Variants in GRIN2A observed in about 807,000 individuals in gnomAD.
The protein encoded by GRIN2A is glutamate receptor ionotropic, NMDA 2A.
GRIN2A carries 22 observed loss-of-function variants against 113.4 expected under a neutral mutation model. The ratio of observed to expected loss-of-function variants is 0.19; its 90% confidence interval spans 0.14 to 0.28. The LOEUF (loss-of-function observed/expected upper bound fraction) is 0.28. GRIN2A is among the 10% of genes least tolerant of loss of function. The pLI is 1.00. For synonymous variants in GRIN2A, 827 were observed against 738.4 expected, an observed-to-expected ratio of 1.12 and a Z score of -1.94; for missense variants, 1,502 against 1,887.0, an observed-to-expected ratio of 0.80 and a Z score of 3.78.
chr16:9,801,359 T>C (rs1215008991), intron 10 of GRIN2A, among the ~76,000 whole-genome samples: 4 of 152,032 alleles, frequency 2.6e-5, no homozygotes, highest in East Asian at 1.9e-4. Context: ...AATAAACATA[T>C]ACACACACAC....
chr16:9,776,629 T>A (rs1013381061), intron 11 of GRIN2A, among the ~76,000 whole-genome samples: 3 of 152,070 alleles, frequency 2.0e-5, no homozygotes, highest in Non-Finnish European at 4.4e-5. Context: ...TAGAGCCTGG[T>A]GGTTTCCTAC....
intron 2 of GRIN2A, among the ~76,000 whole-genome samples, chr16:10,070,550 G>T (rs558749861): frequency 6.6e-6 from 1 of 152,146 alleles, no homozygotes; most frequent in African/African-American, 2.4e-5. Flanking sequence ...GGCCTGGGAT[G>T]ATTTGTTCTT....
At chr16:9,896,267 T>A (rs1470797070) in intron 3 of GRIN2A, among the ~76,000 whole-genome samples, 1 of 152,146 alleles carries the variant, frequency 6.6e-6, no homozygotes, top group African/African-American at 2.4e-5. Context: ...CCAGGCTGGT[T>A]TGAACTCCTG....
chr16:9,868,984 C>T (rs2043209856), intron 4 of GRIN2A, among the ~76,000 whole-genome samples: 1 of 152,128 alleles, frequency 6.6e-6, no homozygotes, highest in Admixed American at 6.5e-5. Flanking sequence ...GGGCAGGTAG[C>T]CTCTCCTTTC....
chr16:10,153,290 G>A (rs543867689), intron 2 of GRIN2A, among the ~76,000 whole-genome samples: 2 of 152,258 alleles, frequency 1.3e-5, no homozygotes, highest in African/African-American at 4.8e-5. Flanking sequence ...TCTGAAAAAT[G>A]CTGCATAGCT....
At chr16:9,829,009 T>C (rs138573330) in intron 9 of GRIN2A, among the ~76,000 whole-genome samples, 39 of 152,252 alleles carry the variant, frequency 2.6e-4, no homozygotes, top group African/African-American at 7.7e-4. Flanking sequence ...TTTCAGGTCA[T>C]AGATGAGGTA....
At chr16:9,924,658 G>A (rs1747871139) in intron 3 of GRIN2A, among the ~76,000 whole-genome samples, 1 of 152,026 alleles carries the variant, frequency 6.6e-6, no homozygotes, top group South Asian at 2.1e-4. Flanking sequence ...TTTTACTTCA[G>A]GGATTCAAAT....
At chr16:10,137,962 G>A (rs1328949538) in intron 2 of GRIN2A, among the ~76,000 whole-genome samples, 1 of 152,202 alleles carries the variant, frequency 6.6e-6, no homozygotes, top group African/African-American at 2.4e-5. Context: ...TACAGTCTGG[G>A]ATGACAGAAA....
At chr16:9,991,149 C>A (rs931501224) in intron 2 of GRIN2A, among the ~76,000 whole-genome samples, 1 of 152,134 alleles carries the variant, frequency 6.6e-6, no homozygotes, top group Non-Finnish European at 1.5e-5. Flanking sequence ...AAGGCAAATG[C>A]CTGGTATTTC....
chr16:10,159,327 A>G (rs8050654), intron 2 of GRIN2A, among the ~76,000 whole-genome samples: 93,314 of 152,018 alleles, frequency 0.61, 29,018 homozygotes, highest in Non-Finnish European at 0.66. Context: ...CAGGTTCAGT[A>G]TGAGGCACCC....
rs1596376035 is a variant in GRIN2A at position 9,764,160 on chromosome 16, G to T, written c.3384C>A (p.Phe1128Leu). Residue 1128 changes from phenylalanine to leucine, a missense_variant, in exon 13 of 13, where the codon TTC becomes TTA. This residue lies in a region of GRIN2A where 832 missense variants were observed against 789.7 expected (regional missense o/e 1.05). Transcript: ENST00000330684. ...CAACAAACTGGGGTGGATCTAAGTG[G>T]AAACCAGGCTCCTTCTCACCATCTA... ...YTIDGEKEPG[F>L]HLDPPQFVEN... 1 of 1,613,538 alleles carries T rather than the reference G, an allele frequency of 6.2e-7. No homozygotes were observed.
chr16:10,088,574 T>C (rs1052055821), intron 2 of GRIN2A, among the ~76,000 whole-genome samples: 4 of 152,208 alleles, frequency 2.6e-5, no homozygotes, highest in East Asian at 1.9e-4. Flanking sequence ...GAACATGCAG[T>C]TCTTTAGTGT....
At chr16:10,027,515 C>T (rs2046846861) in intron 2 of GRIN2A, 1 of 152,258 alleles carries the variant, frequency 6.6e-6, no homozygotes, top group African/African-American at 2.4e-5. Context: ...TCAGTGATTC[C>T]ATCTAGCCAT....
At chr16:9,806,869 T>A (rs999739835) in intron 10 of GRIN2A, among the ~76,000 whole-genome samples, 6 of 152,068 alleles carry the variant, frequency 3.9e-5, no homozygotes, top group Admixed American at 6.5e-5. Context: ...AATCTCATCT[T>A]GAATTGTAGC....
Position 9,764,559 on chromosome 16 carries a change from C to T in GRIN2A, c.2985G>A (p.Thr995=), listed in dbSNP as rs781646325. Reference sequence around the variant, plus strand: ...ATTCTGTGCTCACGGCCACCTCCACCGTGTTAGGGTTGGACTCATTGAGAG... The same window carrying T: ...ATTCTGTGCTCACGGCCACCTCCACTGTGTTAGGGTTGGACTCATTGAGAG... ...PLTLNESNPN[T]VEVAVSTESK... is the part of the protein sequence containing the mutation. Residue 995 remains threonine (T), a synonymous_variant, in exon 13 of 13, where the codon ACG becomes ACA. Transcript: ENST00000330684. 9.3e-6 allele frequency: 15 copies of T among 1,613,842 alleles called. No homozygotes were observed. Among genetic ancestry groups the T allele is most frequent in the Admixed American group, 5.0e-5 (3 of 60,006 alleles).
intron 3 of GRIN2A, among the ~76,000 whole-genome samples, chr16:9,937,511 A>G (rs1036650690): frequency 5.9e-5 from 9 of 152,152 alleles, no homozygotes; most frequent in Non-Finnish European, 1.3e-4. Flanking sequence ...AAATTTTTTT[A>G]AATAAAAGAA....
chr16:10,131,239 G>C lies in GRIN2A; in HGVS notation c.414+48759C>G, dbSNP rs1158511087. ...GCTAGTGGAGAACAGGTTTTAATGA[G>C]GCCCAGAACAGCATGTAGAGTGGGC... On this transcript the variant is annotated intron_variant, in intron 2 of 12. Coordinates refer to ENST00000330684, the MANE Select transcript of GRIN2A (RefSeq NM_001134407.3). 5.9e-5 allele frequency among the ~76,000 whole-genome samples: 9 copies of C among 152,132 alleles called. No individual in the cohort carries two copies. In the East Asian group the frequency reaches 1.7e-3, roughly 29 times the overall value.
chr16:9,780,682 A>G (rs1379223880), intron 11 of GRIN2A, among the ~76,000 whole-genome samples: 4 of 152,260 alleles, frequency 2.6e-5, no homozygotes, highest in African/African-American at 9.6e-5. Context: ...TTTGTGCAAT[A>G]TAACGAATGT....
chr16:10,079,099 C>G (rs905035538), intron 2 of GRIN2A, among the ~76,000 whole-genome samples: 1 of 152,204 alleles, frequency 6.6e-6, no homozygotes, highest in Non-Finnish European at 1.5e-5. Flanking sequence ...ACCACCCATA[C>G]CACACTCACT....
Sources: allele counts gnomAD v4.1 joint callset (sites outside exome capture counted in the v4.1 genomes callset), GRCh38; gene constraint gnomAD v4.1.1; regional missense constraint gnomAD v4.1.1; transcripts MANE v1.5; gene names NCBI Gene and HGNC (gene_info 2026-07-23, HGNC 2026-07-21).